Variants in LRP1B observed in about 807,000 individuals in gnomAD.
LRP1B encodes low-density lipoprotein receptor-related protein 1B.
A neutral mutation model predicts 556.6 loss-of-function variants in LRP1B; 217 were observed. The observed-to-expected ratio is 0.39, with a 90% CI of 0.35 to 0.44. The LOEUF is 0.44. Among genes scored for constraint, LRP1B ranks in the 20% least tolerant of loss-of-function variants. The probability of loss-of-function intolerance (pLI) is 1.00; values close to 1 mark genes in which losing one functional copy is unlikely to be tolerated. For synonymous variants in LRP1B, 2,047 were observed against 1,865.8 expected, an observed-to-expected ratio of 1.10 and a Z score of -2.50; for missense variants, 5,053 against 5,620.8, an observed-to-expected ratio of 0.90 and a Z score of 3.23.
intron 7 of LRP1B, among the ~76,000 whole-genome samples, chr2:141,115,458 G>GTTTTTTTTTTTTTT (rs70991138): frequency 1.7e-5 from 2 of 120,430 alleles, no homozygotes; most frequent in Non-Finnish European, 3.3e-5. Context: ...TTTTGTTTTT[G>GTTTTTTTTTTTTTT]TTTTTTTTTT....
chr2:141,077,066 G>A (rs1699806607), intron 7 of LRP1B, among the ~76,000 whole-genome samples: 2 of 152,074 alleles, frequency 1.3e-5, no homozygotes, highest in South Asian at 4.1e-4. Context: ...CCAATATGGT[G>A]AAACCCCGGC....
chr2:141,852,442 A>AT (rs1484630421), intron 1 of LRP1B, among the ~76,000 whole-genome samples: 2 of 151,846 alleles, frequency 1.3e-5, no homozygotes, highest in African/African-American at 4.8e-5. Flanking sequence ...ATGTGTTCAC[A>AT]TAAGGCAGGC....
At chr2:140,665,332 C>T (rs1423107997) in intron 41 of LRP1B, among the ~76,000 whole-genome samples, 2 of 152,052 alleles carry the variant, frequency 1.3e-5, no homozygotes, top group African/African-American at 4.8e-5. Flanking sequence ...AACTCTATTT[C>T]AAAGAAAAAT....
intron 87 of LRP1B, among the ~76,000 whole-genome samples, chr2:140,240,862 C>T (rs889545768): frequency 1.3e-5 from 2 of 150,942 alleles, no homozygotes; most frequent in African/African-American, 4.8e-5. Context: ...TGCACAATAA[C>T]CAGCCACTTA....
chr2:141,885,147 T>C (rs1276321693), intron 1 of LRP1B, among the ~76,000 whole-genome samples: 4 of 152,238 alleles, frequency 2.6e-5, no homozygotes, highest in African/African-American at 4.8e-5. Context: ...TATCAGAATA[T>C]TGCTTTTAAA....
chr2:140,471,723 C>T (rs1043663550), intron 60 of LRP1B, among the ~76,000 whole-genome samples: 4 of 152,152 alleles, frequency 2.6e-5, no homozygotes, highest in African/African-American at 9.7e-5. Flanking sequence ...AATCTAATAA[C>T]AGCACTCCAT....
At chr2:141,749,030 A>G (rs1210129777) in intron 2 of LRP1B, among the ~76,000 whole-genome samples, 2 of 152,178 alleles carry the variant, frequency 1.3e-5, no homozygotes, top group African/African-American at 2.4e-5. Flanking sequence ...TCTGTAATCA[A>G]TCTAAGAATG....
intron 32 of LRP1B, among the ~76,000 whole-genome samples, chr2:140,779,738 C>G (rs1204506503): frequency 1.6e-5 from 2 of 122,488 alleles, no homozygotes; most frequent in African/African-American, 6.5e-5. Context: ...TGTGGTGTGT[C>G]TGTCTCTCTG....
chr2:141,759,852 T>C (rs1346393137), intron 2 of LRP1B, among the ~76,000 whole-genome samples: 1 of 152,118 alleles, frequency 6.6e-6, no homozygotes, highest in Non-Finnish European at 1.5e-5. Flanking sequence ...AAAAATATAC[T>C]TGAATATTGG....
chr2:140,405,691 G>A (rs1684702090), intron 66 of LRP1B, among the ~76,000 whole-genome samples: 1 of 152,100 alleles, frequency 6.6e-6, no homozygotes, highest in Non-Finnish European at 1.5e-5. Context: ...CAAGCTGTGA[G>A]ATTAAGTCAG....
intron 58 of LRP1B, among the ~76,000 whole-genome samples, chr2:140,485,886 C>A (rs573683327): frequency 6.7e-6 from 1 of 149,102 alleles, no homozygotes; most frequent in African/African-American, 2.5e-5. Flanking sequence ...CACACACAAA[C>A]TTAGAGATAT....
intron 2 of LRP1B, among the ~76,000 whole-genome samples, chr2:141,564,284 G>T (rs1013116671): frequency 7.2e-5 from 11 of 152,080 alleles, no homozygotes; most frequent in African/African-American, 2.7e-4. Flanking sequence ...AAGAATGAGG[G>T]TTAAGGAGTT....
At chr2:140,449,462 C>T (rs1210856481) in intron 63 of LRP1B, among the ~76,000 whole-genome samples, 1 of 151,930 alleles carries the variant, frequency 6.6e-6, no homozygotes, top group Admixed American at 6.6e-5. Flanking sequence ...TATATGTTGT[C>T]TATCATAGTA....
chr2:141,784,658 G>A (rs1047944428), intron 2 of LRP1B, among the ~76,000 whole-genome samples: 1 of 151,850 alleles, frequency 6.6e-6, no homozygotes, highest in Admixed American at 6.6e-5. Flanking sequence ...ATCCCTGATT[G>A]TTCAATTTGT....
chr2:141,634,295 T>C (rs1689018691), intron 2 of LRP1B, among the ~76,000 whole-genome samples: 1 of 151,896 alleles, frequency 6.6e-6, no homozygotes. Flanking sequence ...AAATCACAAA[T>C]ATGACCAACA....
intron 31 of LRP1B, among the ~76,000 whole-genome samples, chr2:140,817,656 A>T (rs548716204): frequency 1.3e-5 from 2 of 152,144 alleles, no homozygotes; most frequent in South Asian, 2.1e-4. Context: ...TATTACTGAA[A>T]AAATTAAGTT....
At chr2:141,970,101 C>T (rs1701687325) in intron 1 of LRP1B, among the ~76,000 whole-genome samples, 1 of 151,256 alleles carries the variant, frequency 6.6e-6, no homozygotes, top group African/African-American at 2.4e-5. Flanking sequence ...CTATTCAGGC[C>T]CCTTGCCCAT....
At chr2:141,968,428 A>AT (rs1230438839) in intron 1 of LRP1B, among the ~76,000 whole-genome samples, 1 of 150,832 alleles carries the variant, frequency 6.6e-6, no homozygotes, top group African/African-American at 2.4e-5. Flanking sequence ...AAATTCCTTC[A>AT]TTTTTTTTGC....
intron 31 of LRP1B, 85 bp downstream of exon 31, chr2:140,839,906 C>T (rs762187780): frequency 2.1e-5 from 17 of 796,936 alleles, no homozygotes; most frequent in Non-Finnish European, 3.4e-5. Context: ...TTAATATTTT[C>T]TTTCAGGATC....
Sources: allele counts gnomAD v4.1 joint callset (sites outside exome capture counted in the v4.1 genomes callset), GRCh38; gene constraint gnomAD v4.1.1; transcripts MANE v1.5; gene names NCBI Gene and HGNC (gene_info 2026-07-23, HGNC 2026-07-21).